NGLY1: variants seen among roughly 807,000 people sequenced by gnomAD.
NGLY1 encodes the protein peptide-N(4)-(N-acetyl-beta-glucosaminyl)asparagine amidase.
NGLY1 carries 68 observed loss-of-function variants against 84.6 expected under a neutral mutation model. That is an observed-to-expected ratio of 0.80 (90% CI 0.66 to 0.98). The LOEUF is 0.98. Among genes scored for constraint, NGLY1 ranks in the 50% least tolerant of loss-of-function variants. The pLI is 0.00. For synonymous variants in NGLY1, 280 were observed against 275.2 expected (o/e 1.02, Z -0.17); for missense variants, 779 against 770.2 (o/e 1.01, Z -0.14).
intron 3 of NGLY1, among the ~76,000 whole-genome samples, chr3:25,763,301 T>A (rs1707402356): frequency 6.6e-6 from 1 of 152,194 alleles, no homozygotes; most frequent in Non-Finnish European, 1.5e-5. Flanking sequence ...TTTTAAACTA[T>A]AATACTGCAA....
intron 1 of NGLY1, among the ~76,000 whole-genome samples, chr3:25,780,663 C>T (rs575369887): frequency 6.6e-6 from 1 of 152,292 alleles, no homozygotes; most frequent in South Asian, 2.1e-4. Context: ...TGCTCTGTCA[C>T]CCCGGCTAGA....
chr3:25,747,182 T>C (rs953681381), intron 4 of NGLY1, among the ~76,000 whole-genome samples: 3 of 152,224 alleles, frequency 2.0e-5, no homozygotes, highest in African/African-American at 7.2e-5. Flanking sequence ...GGCTATATTA[T>C]TATCCTGTCT....
rs553452174 is a variant in NGLY1, at chr3:25,782,461, G to C, written c.131+799C>G. Reference sequence around the variant, plus strand: ...CATGTCCCTTCAGATCATTTGATCTGAAGAGTTGAGGTGGGTACTTATTCA... The same window carrying C: ...CATGTCCCTTCAGATCATTTGATCTCAAGAGTTGAGGTGGGTACTTATTCA... On this transcript the variant is annotated intron_variant, in intron 1 of 11. Transcript: ENST00000280700. 3.3e-5 allele frequency among the ~76,000 whole-genome samples: 5 copies of C among 152,126 alleles called. No homozygotes were observed. In the South Asian group the frequency reaches 8.3e-4, roughly 25 times the overall value.
chr3:25,719,873 G>T (rs7642565), intron 11 of NGLY1, 141 bp downstream of exon 11: 1 of 706,372 alleles, frequency 1.4e-6, no homozygotes, highest in Non-Finnish European at 2.1e-6. Flanking sequence ...ATCACACAGG[G>T]TTTATTAAAT....
At position 25,778,547 on chromosome 3, in the gene NGLY1, G is replaced by T. The variant is rs1456163626; in HGVS notation, c.246+27C>A. 3.1e-6 allele frequency: 4 copies of T among 1,304,508 alleles called. No individual in the cohort carries two copies. In the Admixed American group the frequency reaches 5.7e-5, roughly 18 times the overall value. 80.8% of individuals were successfully genotyped at this position (1,304,508 alleles called of 1,614,324 possible). Reference sequence around the variant, plus strand: ...AATGGCTGCTTTGTGCATGAAGAGGGGAGAGGAAATCCTTGAACATACTTA... The same window carrying T: ...AATGGCTGCTTTGTGCATGAAGAGGTGAGAGGAAATCCTTGAACATACTTA... On this transcript the variant is annotated intron_variant, in intron 2 of 11. Coordinates refer to ENST00000280700, the MANE Select transcript of NGLY1 (RefSeq NM_018297.4).
chr3:25,766,819 G>GT (rs1459814659), intron 2 of NGLY1, among the ~76,000 whole-genome samples: 1 of 152,114 alleles, frequency 6.6e-6, no homozygotes, highest in Non-Finnish European at 1.5e-5. Context: ...CAGGGCCCCA[G>GT]TAAGACAGAT....
intron 2 of NGLY1, among the ~76,000 whole-genome samples, chr3:25,772,468 C>T (rs1707941310): frequency 6.6e-6 from 1 of 152,080 alleles, no homozygotes; most frequent in Admixed American, 6.5e-5. Flanking sequence ...CTCCTGCTGG[C>T]TTTTGGTTTT....
intron 8 of NGLY1, among the ~76,000 whole-genome samples, chr3:25,732,851 A>T (rs1705609359): frequency 6.6e-6 from 1 of 152,218 alleles, no homozygotes; most frequent in South Asian, 2.1e-4. Flanking sequence ...GAACACTCAC[A>T]TATAAACACC....
At chr3:25,758,111 G>C (rs756810574) in intron 3 of NGLY1, among the ~76,000 whole-genome samples, 3 of 152,114 alleles carry the variant, frequency 2.0e-5, no homozygotes, top group Non-Finnish European at 4.4e-5. Flanking sequence ...GAAAATGGCA[G>C]GGCAAACACA....
At chr3:25,741,699 A>G (rs1197966160) in intron 4 of NGLY1, among the ~76,000 whole-genome samples, 1 of 152,184 alleles carries the variant, frequency 6.6e-6, no homozygotes, top group African/African-American at 2.4e-5. Context: ...CAAAGAAAAG[A>G]TAAATTTCTG....
chr3:25,768,479 C>A, intron 2 of NGLY1, among the ~76,000 whole-genome samples: 1 of 149,410 alleles, frequency 6.7e-6, no homozygotes, highest in South Asian at 2.1e-4. Context: ...TAAAGTATAA[C>A]CTTAAACTGT....
intron 4 of NGLY1, among the ~76,000 whole-genome samples, chr3:25,740,924 C>T (rs755293782): frequency 2.0e-5 from 3 of 151,842 alleles, no homozygotes; most frequent in Non-Finnish European, 2.9e-5. Context: ...GTCAGGAGTT[C>T]GAGACCAGCC....
intron 9 of NGLY1, 160 bp from the exon 10 acceptor site, chr3:25,729,478 T>C (rs1705429444): frequency 2.5e-6 from 1 of 398,480 alleles, no homozygotes. Context: ...TTAAATATAA[T>C]CAGTATGATG....
chr3:25,766,123 T>C (rs1707556845), intron 2 of NGLY1, among the ~76,000 whole-genome samples: 1 of 151,848 alleles, frequency 6.6e-6, no homozygotes, highest in Admixed American at 6.6e-5. Context: ...TGGAGTGCAG[T>C]GGTGTGATCT....
intron 4 of NGLY1, among the ~76,000 whole-genome samples, chr3:25,750,382 G>A (rs1215196189): frequency 6.6e-6 from 1 of 152,158 alleles, no homozygotes; most frequent in Non-Finnish European, 1.5e-5. Context: ...ATTATGCTAA[G>A]TGAAATAAAC....
chr3:25,770,447 G>A (rs970621422), intron 2 of NGLY1, among the ~76,000 whole-genome samples: 1 of 152,058 alleles, frequency 6.6e-6, no homozygotes, highest in African/African-American at 2.4e-5. Context: ...CTACTGCCTG[G>A]CCTCCACATT....
At position 25,755,531 on chromosome 3, in the gene NGLY1, A is replaced by C. The variant is rs1375967792; in HGVS notation, c.493-4268T>G. ...TCAAACCAGTTCCTGCAATAACTGC[A>C]GTTCAAAATGTTCCAACTAATCCCT... is the stretch of plus-strand genomic sequence containing the variant. On this transcript the variant is annotated intron_variant, in intron 3 of 11. Coordinates refer to ENST00000280700, the MANE Select transcript of NGLY1 (RefSeq NM_018297.4). 3.5e-6 allele frequency: 5 copies of C among 1,424,396 alleles called. No homozygotes were observed. The East Asian group carries it at 6.8e-5, about 19-fold the overall frequency. 88.2% of individuals were successfully genotyped at this position (1,424,396 alleles called of 1,614,324 possible). A position where few individuals can be genotyped will look rare whatever the true frequency, so the allele number is the denominator to read the frequency against.
chr3:25,784,214 A>C (rs994470638), upstream of NGLY1: 2 of 152,224 alleles, frequency 1.3e-5, no homozygotes, highest in African/African-American at 2.4e-5. Context: ...TCTAAGTTCC[A>C]GCTCAACTAG....
At position 25,725,747 on chromosome 3, in the gene NGLY1, G is replaced by GA. The variant is rs371992394; in HGVS notation, c.1611+3385dup. On this transcript the variant is annotated intron_variant, in intron 10 of 11. Coordinates refer to ENST00000280700, the MANE Select transcript of NGLY1 (RefSeq NM_018297.4). ...TGAGTTGATTGTTGTAGAGAGAACA[G>GA]AAAAAAAAAAATACTTGTAGAGTGA... Among the ~76,000 whole-genome samples the GA allele has an allele frequency of 4.4e-3, 645 of 145,214 alleles. 5 individuals carry two copies. The highest frequency in any genetic ancestry group is 0.014 in the African/African-American group (559 of 39,746).
Sources: gnomAD v4.1 joint callset for allele counts (sites outside exome capture counted in the v4.1 genomes callset) on GRCh38, gnomAD v4.1.1 for gene constraint, MANE v1.5 for transcripts, NCBI Gene and HGNC (gene_info 2026-07-23, HGNC 2026-07-21) for gene names.